PIGG: variants seen among roughly 807,000 people sequenced by gnomAD.
The protein encoded by PIGG is phosphatidylinositol glycan anchor biosynthesis class G (EMM blood group).
In PIGG, 70 loss-of-function variants were observed where a neutral mutation model predicts 83.2. The ratio of observed to expected loss-of-function variants is 0.84; its 90% CI spans 0.69 to 1.03. The LOEUF is 1.03. Ranked by LOEUF, PIGG falls within the 50% of genes least tolerant of loss-of-function variation. The pLI is 0.00. For synonymous variants in PIGG, 532 were observed against 519.5 expected (o/e 1.02, Z -0.33); for missense variants, 1,257 against 1,233.6 (o/e 1.02, Z -0.28).
intron 9 of PIGG, chr4:524,430 G>A (rs1727002219): frequency 6.5e-6 from 1 of 152,968 alleles, no homozygotes; most frequent in African/African-American, 2.4e-5. Flanking sequence ...TGCTCCTGGA[G>A]AGGCCTCAGG....
chr4:507,370 G>A lies in PIGG; in HGVS notation c.571-35G>A, dbSNP rs201716887. The A allele has an allele frequency of 9.3e-5, 141 of 1,514,854 alleles. 1 individual carries two copies. Among genetic ancestry groups the A allele is most frequent in the Admixed American group, 3.2e-4 (17 of 53,522 alleles). The allele number at this position is 1,514,854 out of a possible 1,614,324, so 93.8% of individuals were successfully genotyped here. ...GGGGAGTGAAGATCCAGGGAAATTA[G>A]GTGAGTTGTTTATACGTGTGTTTCC... On this transcript the variant is annotated intron_variant, in intron 3 of 12. Coordinates refer to ENST00000453061, the MANE Select transcript of PIGG (RefSeq NM_001127178.3).
chr4:500,579 C>T lies in PIGG; in HGVS notation c.338C>T (p.Thr113Ile). 2 of 1,606,450 alleles carry T rather than the reference C, an allele frequency of 1.2e-6. No individual in the cohort carries two copies. The highest frequency in any genetic ancestry group is 1.3e-5 in the African/African-American group (1 of 74,868). ...TTTGTGGCTGAAGCAAAGCCACCTA[C>T]AGTTACTATGCCTCGAATCAAGGTA... is the stretch of plus-strand genomic sequence containing the variant. ...HSFVAEAKPPTVTMPRIKALM... is the reference protein window; with the variant it reads ...HSFVAEAKPPIVTMPRIKALM... Residue 113 changes from threonine to isoleucine, a missense_variant, in exon 2 of 13, where the codon ACA becomes ATA. Thr to Ile is a moderately conservative substitution (Grantham distance 89). Coordinates refer to ENST00000453061, the MANE Select transcript of PIGG (RefSeq NM_001127178.3).
rs567392594 is a variant in PIGG, at chr4:499,422, G to T, written c.87G>T (p.Pro29=). 1.2e-6 allele frequency: 2 copies of T among 1,607,904 alleles called. No individual in the cohort carries two copies. Among genetic ancestry groups the T allele is most frequent in the East Asian group, 4.5e-5 (2 of 44,836 alleles). ...GIAVFLRGFF[P]APVRSSARAE... is the part of the protein sequence containing the mutation. ...CGGTCTTCCTTCGGGGATTCTTCCC[G>T]GCTCCCGTTCGTTCCTCTGCCAGAG... The change falls in exon 1 of 13, where the codon CCG becomes CCT. Residue 29 remains proline (P), a synonymous_variant. Coordinates refer to ENST00000453061, the MANE Select transcript of PIGG (RefSeq NM_001127178.3).
At chr4:508,406 T>A (rs1560288377) in intron 4 of PIGG, among the ~76,000 whole-genome samples, 1 of 152,258 alleles carries the variant, frequency 6.6e-6, no homozygotes, top group African/African-American at 2.4e-5. Flanking sequence ...CAGAGAAGCC[T>A]GGTGGGTGCC....
At chr4:519,003 C>T (rs1025984106) in intron 6 of PIGG, among the ~76,000 whole-genome samples, 1 of 152,134 alleles carries the variant, frequency 6.6e-6, no homozygotes, top group African/African-American at 2.4e-5. Flanking sequence ...CAGCTTGATG[C>T]TCTTCCTGCA....
chr4:505,801 A>G lies in PIGG; in HGVS notation c.444A>G (p.Ile148Met). ...NSPALLEDSVIRQAKAAGKRI... is the reference protein window; with the variant it reads ...NSPALLEDSVMRQAKAAGKRI... Reference sequence around the variant, plus strand: ...CTGCACTGCTGGAAGACAGTGTGATAAGACAAGCAAAAGCAGCTGGAAAAA... The same window carrying G: ...CTGCACTGCTGGAAGACAGTGTGATGAGACAAGCAAAAGCAGCTGGAAAAA... Residue 148 changes from isoleucine (I) to methionine (M), a missense_variant, in exon 3 of 13, where the codon ATA becomes ATG. By Grantham distance (10) the Ile-to-Met change is conservative. Coordinates refer to ENST00000453061, the MANE Select transcript of PIGG (RefSeq NM_001127178.3). The G allele has an allele frequency of 6.2e-7, 1 of 1,613,662 alleles. No homozygotes were observed. Among genetic ancestry groups the G allele is most frequent in the Non-Finnish European group, 8.5e-7 (1 of 1,179,864 alleles).
Position 533,802 on chromosome 4 carries a change from T to TG in PIGG, c.2572-16_2572-15insG. On this transcript the variant is annotated splice_polypyrimidine_tract_variant and intron_variant, in intron 11 of 12. Coordinates refer to ENST00000453061, the MANE Select transcript of PIGG (RefSeq NM_001127178.3). The stretch of plus-strand genomic sequence containing the variant: ...CGTGTTGTGAGGCCTTTGTCAGCTC[T>TG]TCTCCTGTATTCCAGGGCAACTCCA... 1 of 1,613,566 alleles carries TG rather than the reference T, an allele frequency of 6.2e-7. No homozygotes were observed. Among genetic ancestry groups the TG allele is most frequent in the Non-Finnish European group, 8.5e-7 (1 of 1,179,458 alleles).
At chr4:523,078 G>A (rs969335006) in intron 8 of PIGG, among the ~76,000 whole-genome samples, 1 of 152,188 alleles carries the variant, frequency 6.6e-6, no homozygotes, top group Admixed American at 6.5e-5. Flanking sequence ...CCTGGAAGCG[G>A]GAGCGTGGAG....
intron 5 of PIGG, among the ~76,000 whole-genome samples, chr4:513,689 G>A (rs1722974515): frequency 6.6e-6 from 1 of 152,214 alleles, no homozygotes; most frequent in African/African-American, 2.4e-5. Flanking sequence ...GACCGGCGGT[G>A]AAAGGATGCT....
chr4:539,317 C>T lies in PIGG; in HGVS notation c.2900C>T (p.Ala967Val). The T allele has an allele frequency of 6.2e-7, 1 of 1,613,708 alleles. No homozygotes were observed. Among genetic ancestry groups the T allele is most frequent in the Non-Finnish European group, 8.5e-7 (1 of 1,179,660 alleles). Residue 967 changes from alanine (A) to valine (V), a missense_variant, in exon 13 of 13, where the codon GCT becomes GTT. Ala to Val is a moderately conservative substitution (Grantham distance 64, BLOSUM62 0). Transcript: ENST00000453061. ...GGAATGCACCTGCTCATTACAGCTG[C>T]TGTCTGTGTATTCTTCACGGCAATG... Reference protein sequence around the residue: ...YEGMHLLITAAVCVFFTAMDQ... With the variant: ...YEGMHLLITAVVCVFFTAMDQ...
intron 5 of PIGG, among the ~76,000 whole-genome samples, chr4:514,542 A>C (rs753569834): frequency 2.0e-5 from 3 of 152,168 alleles, no homozygotes; most frequent in Non-Finnish European, 2.9e-5. Flanking sequence ...GCTTCTTTTT[A>C]GTGGAAGGTG....
At chr4:536,990 C>G (rs978654015) in intron 12 of PIGG, 2 of 152,166 alleles carry the variant, frequency 1.3e-5, no homozygotes. Context: ...CACAGCCAGG[C>G]ACGTTTGTGT....
chr4:527,265 A>G (rs749827452), intron 10 of PIGG, 35 bp downstream of exon 10: 2 of 1,533,010 alleles, frequency 1.3e-6, no homozygotes, highest in Non-Finnish European at 1.7e-6. Flanking sequence ...GCATAGAGCC[A>G]CTTTACTGTT....
intron 12 of PIGG, chr4:537,045 G>C (rs1730833180): frequency 6.6e-6 from 1 of 152,202 alleles, no homozygotes; most frequent in Non-Finnish European, 1.5e-5. Flanking sequence ...AAAGCATTTT[G>C]ATCAACTGGA....
At chr4:524,848 G>A (rs1480495565) in intron 9 of PIGG, 1 of 152,170 alleles carries the variant, frequency 6.6e-6, no homozygotes, top group Non-Finnish European at 1.5e-5. Context: ...AGTGGAGATG[G>A]GGTGTCACCA....
chr4:508,585 T>C (rs1720733063), intron 4 of PIGG, among the ~76,000 whole-genome samples: 1 of 152,208 alleles, frequency 6.6e-6, no homozygotes, highest in African/African-American at 2.4e-5. Context: ...CCGTCTGCCA[T>C]CAGAGGGCAG....
At position 530,473 on chromosome 4, in the gene PIGG, C is replaced by T; in HGVS notation, c.2299C>T (p.Leu767Phe). 1 of 1,613,680 alleles carries T rather than the reference C, an allele frequency of 6.2e-7. No individual in the cohort carries two copies. Among genetic ancestry groups the T allele is most frequent in the Non-Finnish European group, 8.5e-7 (1 of 1,179,698 alleles). Residue 767 changes from leucine (L) to phenylalanine (F), a missense_variant, in exon 11 of 13, where the codon CTT (leucine) becomes TTT (phenylalanine). Physicochemically the swap from Leu to Phe is conservative, Grantham distance 22. Coordinates refer to ENST00000453061, the MANE Select transcript of PIGG (RefSeq NM_001127178.3). Reference sequence around the variant, plus strand: ...AGCTCGTTTTGTTTATGTCTTTGTCCTTGGCATTCTGTTCACGGGCACCAA... The same window carrying T: ...AGCTCGTTTTGTTTATGTCTTTGTCTTTGGCATTCTGTTCACGGGCACCAA... Reference protein sequence around the residue: ...IEARFVYVFVLGILFTGTKDL... With the variant: ...IEARFVYVFVFGILFTGTKDL...
chr4:502,658 T>C (rs1718168556), intron 2 of PIGG, among the ~76,000 whole-genome samples: 1 of 152,184 alleles, frequency 6.6e-6, no homozygotes, highest in Non-Finnish European at 1.5e-5. Flanking sequence ...CTTAGATTTC[T>C]TAGGACTGTA....
At chr4:499,540 A>G (rs1553874344) in intron 1 of PIGG, 51 bp downstream of exon 1, 1 of 1,517,008 alleles carries the variant, frequency 6.6e-7, no homozygotes, top group Admixed American at 2.1e-5. Flanking sequence ...CATCCCCTAG[A>G]AGACCTTTTT....
Sources: gnomAD v4.1 joint callset for allele counts (sites outside exome capture counted in the v4.1 genomes callset) on GRCh38, gnomAD v4.1.1 for gene constraint, MANE v1.5 for transcripts, NCBI Gene and HGNC (gene_info 2026-07-23, HGNC 2026-07-21) for gene names.